ANK1: variants seen among roughly 807,000 people sequenced by gnomAD.
ANK1 encodes the protein ankyrin 1.
ANK1 carries 51 observed loss-of-function variants against 210.4 expected under a neutral mutation model. The observed-to-expected ratio is 0.24, with a 90% confidence interval of 0.19 to 0.31. The LOEUF is 0.31. ANK1 is among the 10% of genes least tolerant of loss of function. ANK1 has a pLI of 1.00. For synonymous variants in ANK1, 967 were observed against 1,025.9 expected (o/e 0.94, Z 1.10); for missense variants, 2,051 against 2,504.4 (o/e 0.82, Z 3.86).
intron 23 of ANK1, 65 bp downstream of exon 23, chr8:41,699,386 TC>T (rs1173061582): frequency 4.8e-6 from 7 of 1,449,374 alleles, no homozygotes; most frequent in Admixed American, 3.3e-5. Context: ...CCCTCTGGAA[TC>T]CCTGCTCTGA....
intron 40 of ANK1, among the ~76,000 whole-genome samples, chr8:41,662,983 A>G (rs1808997428): frequency 6.6e-6 from 1 of 151,974 alleles, no homozygotes; most frequent in African/African-American, 2.4e-5. Context: ...TGGCTCAATC[A>G]TAGCTTATGC....
At chr8:41,805,522 C>T (rs765619480) in intron 1 of ANK1, among the ~76,000 whole-genome samples, 8 of 152,032 alleles carry the variant, frequency 5.3e-5, no homozygotes, top group Non-Finnish European at 8.8e-5. Flanking sequence ...ACTAAGATTA[C>T]AAGCATGAGC....
intron 26 of ANK1, 151 bp downstream of exon 26, chr8:41,696,212 C>A: frequency 1.2e-6 from 1 of 849,108 alleles, no homozygotes; most frequent in East Asian, 2.6e-5. Context: ...GTTGTAAGCC[C>A]TCTCAGGGCT....
At chr8:41,860,643 A>G (rs996388662) in intron 1 of ANK1, among the ~76,000 whole-genome samples, 2 of 152,236 alleles carry the variant, frequency 1.3e-5, no homozygotes, top group African/African-American at 4.8e-5. Context: ...GAGGATGAAT[A>G]CAGGCAAGTG....
chr8:41,658,490 G>T (rs1053642196), intron 42 of ANK1, among the ~76,000 whole-genome samples: 1 of 152,210 alleles, frequency 6.6e-6, no homozygotes, highest in Non-Finnish European at 1.5e-5. Context: ...ATGACTTAAG[G>T]CCATACAACC....
chr8:41,822,069 AGAGAGAG>A (rs1242675633), intron 1 of ANK1, among the ~76,000 whole-genome samples: 14 of 8,858 alleles, frequency 1.6e-3, no homozygotes, highest in African/African-American at 8.2e-3. Flanking sequence ...AAAGAAAGAG[AGAGAGAG>A]AGAGAGAGAG....
At chr8:41,706,907 T>C (rs1357962077) in intron 17 of ANK1, among the ~76,000 whole-genome samples, 1 of 152,214 alleles carries the variant, frequency 6.6e-6, no homozygotes, top group African/African-American at 2.4e-5. Context: ...GAGACCAGCC[T>C]GGCCAACATG....
At chr8:41,697,840 C>G in intron 24 of ANK1, 1 of 655,940 alleles carries the variant, frequency 1.5e-6, no homozygotes, top group Non-Finnish European at 2.8e-6. Flanking sequence ...CCCCATCTGA[C>G]CATCTCTTCC....
At chr8:41,716,812 C>A (rs527730434) in intron 13 of ANK1, 141 bp downstream of exon 13, 1 of 846,578 alleles carries the variant, frequency 1.2e-6, no homozygotes, top group African/African-American at 1.7e-5. Context: ...AGAATCTGGG[C>A]GCTCAGAGTG....
intron 2 of ANK1, among the ~76,000 whole-genome samples, chr8:41,756,272 A>G (rs1301636248): frequency 6.6e-6 from 1 of 151,326 alleles, no homozygotes; most frequent in Non-Finnish European, 1.5e-5. Flanking sequence ...CAGCTTCCCA[A>G]ATAGCTGGGA....
At chr8:41,871,996 C>T (rs1011186983) in intron 1 of ANK1, among the ~76,000 whole-genome samples, 1 of 152,168 alleles carries the variant, frequency 6.6e-6, no homozygotes, top group South Asian at 2.1e-4. Flanking sequence ...ATGACAAGGC[C>T]GCAGCAGCCC....
intron 1 of ANK1, among the ~76,000 whole-genome samples, chr8:41,769,977 CTTTT>C (rs59542968): frequency 6.4e-3 from 553 of 86,624 alleles, no homozygotes; most frequent in Non-Finnish European, 9.2e-3. Flanking sequence ...TTTCTTTTTT[CTTTT>C]TTTTTTTTTT....
upstream of ANK1, among the ~76,000 whole-genome samples, chr8:41,801,995 G>GT (rs1176479610): frequency 6.6e-6 from 1 of 151,982 alleles, no homozygotes; most frequent in East Asian, 1.9e-4. Context: ...GTTTTGTTTT[G>GT]TTTTTTGTTT....
intron 1 of ANK1, chr8:41,829,946 A>AAAC (rs1335952197): frequency 1.3e-5 from 2 of 151,330 alleles, no homozygotes; most frequent in African/African-American, 4.9e-5. Flanking sequence ...AAAAAAAAAA[A>AAAC]AAAAAAAAAA....
intron 31 of ANK1, among the ~76,000 whole-genome samples, chr8:41,691,422 CT>C (rs1819239046): frequency 6.6e-6 from 1 of 152,206 alleles, no homozygotes; most frequent in Non-Finnish European, 1.5e-5. Flanking sequence ...TCGTTAGTGC[CT>C]AAGACAGGAT....
chr8:41,705,331 C>T (rs1232682857), intron 18 of ANK1, among the ~76,000 whole-genome samples: 1 of 152,190 alleles, frequency 6.6e-6, no homozygotes, highest in Non-Finnish European at 1.5e-5. Flanking sequence ...TGCAGGACCC[C>T]AAAAGACTAA....
intron 1 of ANK1, among the ~76,000 whole-genome samples, chr8:41,824,588 T>C (rs1223859673): frequency 6.6e-6 from 1 of 152,126 alleles, no homozygotes; most frequent in Non-Finnish European, 1.5e-5. Context: ...ATACCATGAT[T>C]CAAGGGACAG....
At chr8:41,788,560 A>C (rs1846932097) in intron 1 of ANK1, among the ~76,000 whole-genome samples, 1 of 152,150 alleles carries the variant, frequency 6.6e-6, no homozygotes, top group East Asian at 1.9e-4. Context: ...CAGTTTCCTC[A>C]TCTGTAACAT....
In ANK1 at chr8:41,704,574, C is replaced by T; in HGVS notation, c.2098-102G>A. On this transcript the variant is annotated intron_variant, in intron 18 of 42. Transcript: ENST00000289734. The surrounding 1 kb of genome is among the most constrained non-coding windows in gnomAD (Gnocchi z 4.1). ...ATTCAAAGAGAGAACGGACAGGGAG[C>T]CCCTTGAAGGCTGACATTGACAAGC... 9.7e-7 allele frequency: 1 copy of T among 1,026,856 alleles called. No homozygotes were observed. 63.6% of individuals were successfully genotyped at this position (1,026,856 alleles called of 1,614,324 possible).
Sources: gnomAD v4.1 joint callset for allele counts (sites outside exome capture counted in the v4.1 genomes callset) on GRCh38, gnomAD v4.1.1 for gene constraint, Gnocchi (gnomAD v3.1) non-coding constraint, MANE v1.5 for transcripts, NCBI Gene and HGNC (gene_info 2026-07-23, HGNC 2026-07-21) for gene names.